The following STXBP6 variants were observed in gnomAD, a reference collection of about 807,000 sequenced individuals.
The protein encoded by STXBP6 is syntaxin-binding protein 6.
A neutral mutation model predicts 26.9 loss-of-function variants in STXBP6; 21 were observed. The observed-to-expected ratio is 0.78, with a 90% CI of 0.55 to 1.12. The LOEUF is 1.12. Among genes scored for constraint, STXBP6 ranks in the 50% most tolerant of loss-of-function variants. The pLI is 0.00. For missense variants in STXBP6, 232 were observed against 257.9 expected (o/e 0.90, Z 0.69); for synonymous variants, 97 against 92.6 (o/e 1.05, Z -0.27).
At chr14:25,038,009 A>T (rs2075582690) in intron 1 of STXBP6, among the ~76,000 whole-genome samples, 1 of 152,184 alleles carries the variant, frequency 6.6e-6, no homozygotes, top group Non-Finnish European at 1.5e-5. Flanking sequence ...CCATGACTAC[A>T]GATTTCAAGA....
At chr14:24,975,567 C>T (rs1383926906) in intron 1 of STXBP6, among the ~76,000 whole-genome samples, 3 of 152,116 alleles carry the variant, frequency 2.0e-5, no homozygotes, top group Non-Finnish European at 4.4e-5. Flanking sequence ...CTGACTAATG[C>T]TAAGTATTTT....
chr14:24,846,955 T>A (rs1292101807), intron 4 of STXBP6, among the ~76,000 whole-genome samples: 1 of 152,174 alleles, frequency 6.6e-6, no homozygotes, highest in Non-Finnish European at 1.5e-5. Context: ...AATCTCATAT[T>A]CCTGTATAGT....
intron 4 of STXBP6, 114 bp downstream of exon 4, chr14:24,855,822 A>G (rs1187242122): frequency 7.3e-6 from 7 of 956,444 alleles, no homozygotes; most frequent in Non-Finnish European, 1.1e-5. Context: ...AGCTCTGAGC[A>G]TATTGATTCT....
intron 5 of STXBP6, among the ~76,000 whole-genome samples, chr14:24,814,546 C>G (rs1030377091): frequency 6.6e-6 from 1 of 152,240 alleles, no homozygotes; most frequent in African/African-American, 2.4e-5. Context: ...AAACCAGACC[C>G]TGGTAACCAG....
chr14:25,027,917 T>C (rs186370833), intron 1 of STXBP6, among the ~76,000 whole-genome samples: 4 of 152,346 alleles, frequency 2.6e-5, no homozygotes, highest in Admixed American at 2.6e-4. Context: ...CAGCATTCCC[T>C]TAAGCCAAAG....
intron 1 of STXBP6, among the ~76,000 whole-genome samples, chr14:25,020,677 T>C (rs185649884): frequency 6.6e-6 from 1 of 152,304 alleles, no homozygotes; most frequent in Admixed American, 6.5e-5. Flanking sequence ...CAGCTTCAGC[T>C]TCCTTATTAA....
chr14:24,909,092 A>G (rs1366186822), intron 2 of STXBP6, among the ~76,000 whole-genome samples: 2 of 152,244 alleles, frequency 1.3e-5, no homozygotes, highest in Admixed American at 6.5e-5. Flanking sequence ...ACACAGAGTC[A>G]CTGACGTATT....
intron 1 of STXBP6, among the ~76,000 whole-genome samples, chr14:25,010,796 T>C (rs1566559781): frequency 1.3e-5 from 2 of 152,110 alleles, no homozygotes; most frequent in African/African-American, 4.8e-5. Context: ...CTTTGGGGGA[T>C]AGGATTTGGT....
chr14:24,818,965 G>A, intron 5 of STXBP6, 72 bp downstream of exon 5: 2 of 1,491,858 alleles, frequency 1.3e-6, no homozygotes, highest in Non-Finnish European at 1.8e-6. Context: ...GGAAAATACT[G>A]AAATAAAGTT....
intron 2 of STXBP6, among the ~76,000 whole-genome samples, chr14:24,895,654 G>A (rs996271): frequency 0.34 from 51,355 of 152,060 alleles, 8,787 homozygotes; most frequent in African/African-American, 0.41. Flanking sequence ...TCTCAAATAC[G>A]CAGAAGATAG....
chr14:24,931,557 A>G (rs997453179), intron 2 of STXBP6, among the ~76,000 whole-genome samples: 1 of 152,196 alleles, frequency 6.6e-6, no homozygotes, highest in African/African-American at 2.4e-5. Context: ...TCATTCATTC[A>G]TTCAACTAAT....
At chr14:24,891,431 AT>A (rs1158544650) in intron 2 of STXBP6, among the ~76,000 whole-genome samples, 2 of 152,200 alleles carry the variant, frequency 1.3e-5, no homozygotes, top group Non-Finnish European at 2.9e-5. Context: ...AGAAAATATT[AT>A]TAAGACATTA....
At chr14:25,044,363 C>G (rs1240224037) in intron 1 of STXBP6, among the ~76,000 whole-genome samples, 1 of 152,100 alleles carries the variant, frequency 6.6e-6, no homozygotes, top group African/African-American at 2.4e-5. Context: ...CACCAGCAAT[C>G]TAATGTAGGA....
intron 5 of STXBP6, chr14:24,818,030 T>G (rs537290414): frequency 4.4e-6 from 2 of 456,646 alleles, no homozygotes; most frequent in Admixed American, 2.3e-5. Flanking sequence ...TCTCATTGCT[T>G]TTTAGGTTAT....
intron 1 of STXBP6, chr14:24,987,925 TGAG>T: frequency 1.0e-6 from 1 of 980,046 alleles, no homozygotes; most frequent in Non-Finnish European, 1.2e-6. Context: ...CTGAGGATAC[TGAG>T]GAGAAGAAGA....
intron 1 of STXBP6, among the ~76,000 whole-genome samples, chr14:24,997,950 C>A (rs1595282996): frequency 6.6e-6 from 1 of 151,902 alleles, no homozygotes; most frequent in East Asian, 1.9e-4. Flanking sequence ...TTTACTTGAC[C>A]ATTTTCCTAT....
Position 24,819,105 on chromosome 14 carries a change from C to T in STXBP6, c.541G>A (p.Gly181Ser). ...TCTTCTGTCTTCTCCTCTGCTCGGC[C>T]TAATCGCTCTCCACGCTCATTCAAG... ...QALNERGERL[G>S]RAEEKTEDLK... The change falls in exon 5 of 6, where the codon GGC becomes AGC. Residue 181 changes from glycine (G) to serine (S), a missense_variant. Transcript: ENST00000323944. 6.2e-7 allele frequency: 1 copy of T among 1,614,088 alleles called. No homozygotes were observed. Among genetic ancestry groups the T allele is most frequent in the Non-Finnish European group, 8.5e-7 (1 of 1,179,960 alleles).
intron 1 of STXBP6, among the ~76,000 whole-genome samples, chr14:25,030,548 C>T (rs1017524169): frequency 9.9e-5 from 15 of 152,078 alleles, no homozygotes; most frequent in Admixed American, 8.5e-4. Context: ...ATACAGAAAA[C>T]AAAATGCTTA....
intron 2 of STXBP6, among the ~76,000 whole-genome samples, chr14:24,872,789 A>T (rs532123554): frequency 2.6e-5 from 4 of 152,154 alleles, no homozygotes; most frequent in African/African-American, 9.6e-5. Flanking sequence ...ACCTCCTCCA[A>T]ATCTAACGTG....
Sources: gnomAD v4.1 joint callset for allele counts (sites outside exome capture counted in the v4.1 genomes callset) on GRCh38, gnomAD v4.1.1 for gene constraint, MANE v1.5 for transcripts, NCBI Gene and HGNC (gene_info 2026-07-23, HGNC 2026-07-21) for gene names.